COL24A1: variants seen among roughly 807,000 people sequenced by gnomAD.
COL24A1 encodes collagen alpha-1(XXIV) chain.
COL24A1 carries 224 observed loss-of-function variants against 253.9 expected under a neutral mutation model. The observed-to-expected ratio is 0.88, with a 90% CI of 0.79 to 0.99. COL24A1 has a LOEUF of 0.99. Ranked by LOEUF, COL24A1 falls within the 50% of genes least tolerant of loss-of-function variation. The pLI is 0.00. For synonymous variants in COL24A1, 685 were observed against 673.7 expected (o/e 1.02, Z -0.26); for missense variants, 2,131 against 2,068.5 (o/e 1.03, Z -0.59).
rs562770580 is a variant in COL24A1 at position 85,828,945 on chromosome 1, T to C, written c.3682-5207A>G. ...TACATTTAAAGTTAATATTGTTATG[T>C]GTGAATTTGATCCTGTCATTATGCT... On this transcript the variant is annotated intron_variant, in intron 43 of 59. Coordinates refer to ENST00000370571, the MANE Select transcript of COL24A1 (RefSeq NM_152890.7). 1.1e-4 allele frequency among the ~76,000 whole-genome samples: 16 copies of C among 151,502 alleles called. No homozygotes were observed. In the South Asian group the frequency reaches 3.2e-3, roughly 30 times the overall value.
chr1:86,029,188 C>A (rs763562517), intron 14 of COL24A1, among the ~76,000 whole-genome samples: 3 of 151,116 alleles, frequency 2.0e-5, no homozygotes, highest in Non-Finnish European at 4.4e-5. Flanking sequence ...TCAGAAAGGA[C>A]TAAAGAAATC....
chr1:86,096,942 C>T (rs1352571770), intron 5 of COL24A1, among the ~76,000 whole-genome samples: 2 of 152,094 alleles, frequency 1.3e-5, no homozygotes, highest in African/African-American at 2.4e-5. Context: ...GTTCTCACAA[C>T]CAAGTCTACT....
intron 19 of COL24A1, among the ~76,000 whole-genome samples, chr1:85,992,079 C>G (rs1448555895): frequency 1.3e-5 from 2 of 151,944 alleles, no homozygotes; most frequent in East Asian, 1.9e-4. Context: ...CCACTCCCCC[C>G]ACCCCACAAC....
intron 5 of COL24A1, among the ~76,000 whole-genome samples, chr1:86,102,503 T>C (rs1439895746): frequency 6.6e-6 from 1 of 151,900 alleles, no homozygotes; most frequent in Non-Finnish European, 1.5e-5. Flanking sequence ...ATATTTCTTT[T>C]TGATATGGGT....
At chr1:86,005,475 AAAT>A (rs1695861864) in intron 19 of COL24A1, among the ~76,000 whole-genome samples, 1 of 152,124 alleles carries the variant, frequency 6.6e-6, no homozygotes, top group Non-Finnish European at 1.5e-5. Context: ...TTGCCTATTT[AAAT>A]AATTATTGGG....
intron 7 of COL24A1, among the ~76,000 whole-genome samples, chr1:86,068,394 C>T (rs561320999): frequency 3.0e-4 from 46 of 152,326 alleles, no homozygotes; most frequent in Middle Eastern, 3.4e-3. Flanking sequence ...ACATTGAACT[C>T]AGTGCTTCCC....
chr1:85,802,126 T>C (rs986083753), intron 47 of COL24A1, among the ~76,000 whole-genome samples: 1 of 152,194 alleles, frequency 6.6e-6, no homozygotes, highest in Non-Finnish European at 1.5e-5. Context: ...TCTTGTCTTG[T>C]CCCCTTCCAA....
At chr1:86,029,611 A>ATTTT (rs199577782) in intron 14 of COL24A1, among the ~76,000 whole-genome samples, 1 of 129,568 alleles carries the variant, frequency 7.7e-6, no homozygotes. Flanking sequence ...TATTTATTTG[A>ATTTT]TTTTTTTTTT....
intron 43 of COL24A1, among the ~76,000 whole-genome samples, chr1:85,827,859 T>G (rs552469676): frequency 6.6e-6 from 1 of 152,226 alleles, no homozygotes; most frequent in South Asian, 2.1e-4. Flanking sequence ...TTGTTGATCC[T>G]TTCAAAAAAC....
chr1:85,896,224 C>T (rs1013162537), intron 29 of COL24A1, 132 bp downstream of exon 29: 22 of 1,162,364 alleles, frequency 1.9e-5, no homozygotes, highest in African/African-American at 3.1e-5. Flanking sequence ...AAACTTTATG[C>T]GTTTCATACT....
intron 1 of COL24A1, among the ~76,000 whole-genome samples, chr1:86,147,523 T>G (rs919583628): frequency 6.6e-6 from 1 of 152,206 alleles, no homozygotes; most frequent in Non-Finnish European, 1.5e-5. Context: ...TATATTCTAA[T>G]GAGGCCTATG....
chr1:85,786,428 C>T lies in COL24A1; in HGVS notation c.3985G>A (p.Ala1329Thr), dbSNP rs1354336046. Reference protein sequence around the residue: ...IRGGPGRTGLAGAPGPPGVKG... With the variant: ...IRGGPGRTGLTGAPGPPGVKG... ...ACTCCTGGAGGACCTGGAGCCCCAG[C>T]AAGACCTGTTCTTCCTGGGCCGCCT... Residue 1329 changes from alanine to threonine, a missense_variant, in exon 48 of 60, where the codon GCT (alanine) becomes ACT (threonine). By Grantham distance (58) the Ala-to-Thr change is moderately conservative (BLOSUM62 0). Coordinates refer to ENST00000370571, the MANE Select transcript of COL24A1 (RefSeq NM_152890.7). The T allele has an allele frequency of 6.2e-7, 1 of 1,613,588 alleles. No homozygotes were observed.
In COL24A1 at chr1:85,936,175, G is replaced by C. The variant is rs550264956; in HGVS notation, c.2563-24742C>G. On this transcript the variant is annotated intron_variant, in intron 24 of 59. Transcript: ENST00000370571. ...GGTCTTGGTTAGAAAAAAAAAAATG[G>C]AACTCTGATACTTGTGAAAACAGTA... 2.2e-4 allele frequency among the ~76,000 whole-genome samples: 33 copies of C among 147,062 alleles called. 5 individuals are homozygous for C. The highest frequency in any genetic ancestry group is 8.2e-4 in the African/African-American group (33 of 40,228).
At chr1:85,798,409 A>T (rs1671053771) in intron 47 of COL24A1, among the ~76,000 whole-genome samples, 1 of 152,164 alleles carries the variant, frequency 6.6e-6, no homozygotes, top group Non-Finnish European at 1.5e-5. Context: ...AAGAAGTACC[A>T]ATCAGGATAA....
chr1:86,116,600 G>C (rs1231579825), intron 3 of COL24A1, among the ~76,000 whole-genome samples: 1 of 151,562 alleles, frequency 6.6e-6, no homozygotes, highest in African/African-American at 2.4e-5. Context: ...AACACAAGAG[G>C]GAAATGAGTA....
chr1:85,991,963 A>C (rs1694325019), intron 19 of COL24A1, among the ~76,000 whole-genome samples: 1 of 151,030 alleles, frequency 6.6e-6, no homozygotes, highest in African/African-American at 2.4e-5. Flanking sequence ...CACAATGTGC[A>C]GGTTTGTTAC....
At chr1:86,076,330 C>T (rs959503158) in intron 7 of COL24A1, among the ~76,000 whole-genome samples, 2 of 152,138 alleles carry the variant, frequency 1.3e-5, no homozygotes, top group Non-Finnish European at 2.9e-5. Context: ...ATACAACTTA[C>T]AAGGGATGTG....
At chr1:86,034,267 C>A (rs1403598855) in intron 12 of COL24A1, among the ~76,000 whole-genome samples, 1 of 152,066 alleles carries the variant, frequency 6.6e-6, no homozygotes, top group Non-Finnish European at 1.5e-5. Flanking sequence ...GTTATCTCTG[C>A]TATTCCAAAC....
rs1688468098 is a variant in COL24A1 at position 85,938,843 on chromosome 1, T to A, written c.2562+22406A>T. ...AGTAAACTATAAAAGCCCAGTTACT[T>A]AAGCCTAGCATGGGACTACTCAGAT... On this transcript the variant is annotated intron_variant, in intron 24 of 59. Transcript: ENST00000370571. Among the ~76,000 whole-genome samples the A allele has an allele frequency of 3.3e-5, 5 of 151,988 alleles. 1 individual carries two copies. The highest frequency in any genetic ancestry group is 5.9e-5 in the Non-Finnish European group (4 of 68,000).
Sources: gnomAD v4.1 joint callset for allele counts (sites outside exome capture counted in the v4.1 genomes callset) on GRCh38, gnomAD v4.1.1 for gene constraint, MANE v1.5 for transcripts, NCBI Gene and HGNC (gene_info 2026-07-23, HGNC 2026-07-21) for gene names.